CTNNA3: variants seen among roughly 807,000 people sequenced by gnomAD.
The protein encoded by CTNNA3 is catenin alpha 3, also known as catenin alpha-3.
Under a neutral mutation model 95.7 loss-of-function variants are expected in CTNNA3, and 76 were observed. The observed-to-expected ratio is 0.79, with a 90% CI of 0.66 to 0.96. The LOEUF (loss-of-function observed/expected upper bound fraction) is 0.96, where lower values mean the gene tolerates loss of function less well. Ranked by LOEUF, CTNNA3 falls within the 40% of genes least tolerant of loss-of-function variation. The pLI, the probability that CTNNA3 is intolerant of heterozygous loss-of-function variation, is 0.00. For synonymous variants in CTNNA3, 431 were observed against 374.4 expected (o/e 1.15, Z -1.74); for missense variants, 1,191 against 1,089.8 (o/e 1.09, Z -1.31).
intron 3 of CTNNA3, among the ~76,000 whole-genome samples, chr10:67,577,189 A>G (rs534852316): frequency 6.6e-6 from 1 of 151,576 alleles, no homozygotes; most frequent in South Asian, 2.1e-4. Flanking sequence ...AATTGTTCCT[A>G]TTTCTCCACA....
chr10:65,922,880 T>C lies in CTNNA3; in HGVS notation c.2401-2263A>G, dbSNP rs558121147. ...GTCTGGCAGGGAGGCCTCAGGAAACTTACAATCATGGCAGAAGGGGAAGCA... is the reference window on the plus strand; with the variant it reads ...GTCTGGCAGGGAGGCCTCAGGAAACCTACAATCATGGCAGAAGGGGAAGCA... On this transcript the variant is annotated intron_variant, in intron 17 of 17. Coordinates refer to ENST00000433211, the MANE Select transcript of CTNNA3 (RefSeq NM_013266.4). Among the ~76,000 whole-genome samples, 4 of 152,210 alleles carry C rather than the reference T, an allele frequency of 2.6e-5. No individual in the cohort carries two copies. The South Asian group carries it at 8.3e-4, about 32-fold the overall frequency.
intron 7 of CTNNA3, among the ~76,000 whole-genome samples, chr10:67,101,778 G>A (rs1858356815): frequency 6.6e-6 from 1 of 151,554 alleles, no homozygotes; most frequent in African/African-American, 2.4e-5. Flanking sequence ...TAAAACTATT[G>A]TATATGAGAG....
chr10:66,405,256 C>T (rs1290318588), intron 11 of CTNNA3, among the ~76,000 whole-genome samples: 1 of 152,066 alleles, frequency 6.6e-6, no homozygotes, highest in Non-Finnish European at 1.5e-5. Flanking sequence ...TTTTGATAGA[C>T]TGCTTGACAC....
chr10:66,332,781 C>T (rs908741211), intron 12 of CTNNA3, among the ~76,000 whole-genome samples: 12 of 151,910 alleles, frequency 7.9e-5, no homozygotes, highest in African/African-American at 2.2e-4. Flanking sequence ...TCTATTGATT[C>T]GAATAGTTTC....
intron 12 of CTNNA3, among the ~76,000 whole-genome samples, chr10:66,305,913 C>G (rs780514512): frequency 5.3e-5 from 8 of 152,162 alleles, no homozygotes; most frequent in Non-Finnish European, 8.8e-5. Context: ...TTATTCTGGT[C>G]TATAAATCTA....
At chr10:67,310,970 G>A (rs1840770080) in intron 5 of CTNNA3, among the ~76,000 whole-genome samples, 1 of 152,126 alleles carries the variant, frequency 6.6e-6, no homozygotes, top group Non-Finnish European at 1.5e-5. Flanking sequence ...GTGAAAATGA[G>A]CTTAACTGTC....
intron 7 of CTNNA3, among the ~76,000 whole-genome samples, chr10:66,776,504 A>G (rs762708415): frequency 1.3e-5 from 2 of 152,162 alleles, no homozygotes; most frequent in Non-Finnish European, 2.9e-5. Flanking sequence ...GCATAAACCC[A>G]TACCCTGCAG....
At chr10:66,248,550 A>T (rs1207662374) in intron 13 of CTNNA3, among the ~76,000 whole-genome samples, 1 of 152,124 alleles carries the variant, frequency 6.6e-6, no homozygotes, top group Non-Finnish European at 1.5e-5. Flanking sequence ...ATAAAAAAAG[A>T]TACTTCATGC....
At chr10:66,292,450 T>C (rs1409278047) in intron 12 of CTNNA3, among the ~76,000 whole-genome samples, 2 of 152,168 alleles carry the variant, frequency 1.3e-5, no homozygotes, top group Admixed American at 6.5e-5. Flanking sequence ...GAGTTATCAT[T>C]AAGTTATCAT....
At chr10:66,562,839 T>C (rs1842594240) in intron 10 of CTNNA3, among the ~76,000 whole-genome samples, 1 of 152,100 alleles carries the variant, frequency 6.6e-6, no homozygotes, top group Non-Finnish European at 1.5e-5. Flanking sequence ...ACTGGAAATA[T>C]CTTTATACTA....
At position 66,471,177 on chromosome 10, in the gene CTNNA3, A is replaced by G. The variant is rs559110659; in HGVS notation, c.1531+49440T>C. On this transcript the variant is annotated intron_variant, in intron 11 of 17. Coordinates refer to ENST00000433211, the MANE Select transcript of CTNNA3 (RefSeq NM_013266.4). ...AAAAAGTAGCATTTTTTGTAATTAT[A>G]AAGTCAATTAAAAATTCTAGAATGC... Among the ~76,000 whole-genome samples the G allele has an allele frequency of 1.1e-4, 17 of 152,020 alleles. No homozygotes were observed. In the South Asian group the frequency reaches 1.7e-3, roughly 15 times the overall value.
At chr10:66,149,747 T>G (rs1047074651) in intron 13 of CTNNA3, among the ~76,000 whole-genome samples, 1 of 150,748 alleles carries the variant, frequency 6.6e-6, no homozygotes, top group Non-Finnish European at 1.5e-5. Context: ...TTCAGATTAT[T>G]AAAATTACAG....
intron 11 of CTNNA3, among the ~76,000 whole-genome samples, chr10:66,433,825 T>C (rs2093316814): frequency 6.6e-6 from 1 of 152,168 alleles, no homozygotes; most frequent in South Asian, 2.1e-4. Flanking sequence ...TTGTATTAGG[T>C]GTAAGGAAGG....
At chr10:67,112,331 C>CT (rs1012808375) in intron 7 of CTNNA3, among the ~76,000 whole-genome samples, 5 of 151,728 alleles carry the variant, frequency 3.3e-5, no homozygotes, top group African/African-American at 7.3e-5. Flanking sequence ...GTTCCCTTGT[C>CT]TTTTTTTTCC....
At position 67,726,577 on chromosome 10, in the gene CTNNA3, T is replaced by TATATAATATGTAATATTATATTACATA. The variant is rs1589582284; in HGVS notation, c.-2+36830_-2+36856dup. 5.6e-5 allele frequency among the ~76,000 whole-genome samples: 4 copies of TATATAATATGTAATATTATATTACATA among 71,902 alleles called. No individual in the cohort carries two copies. In the East Asian group the frequency reaches 1.2e-3, roughly 21 times the overall value. 47.2% of individuals were successfully genotyped at this position (71,902 alleles called of 152,430 possible). A position where few individuals can be genotyped will look rare whatever the true frequency, so the allele number is the denominator to read the frequency against. On this transcript the variant is annotated intron_variant, in intron 1 of 17. Coordinates refer to the CTNNA3 transcript ENST00000684154. The stretch of plus-strand genomic sequence containing the variant: ...ATATAATATAATATATATTACATAT[T>TATATAATATGTAATATTATATTACATA]ATATAATATGTAATATTATATTACA...
At chr10:66,623,907 A>G (rs1421180461) in intron 9 of CTNNA3, among the ~76,000 whole-genome samples, 3 of 152,136 alleles carry the variant, frequency 2.0e-5, no homozygotes, top group Non-Finnish European at 4.4e-5. Context: ...AATTTCTTCT[A>G]ATGATGATTC....
Position 66,621,732 on chromosome 10 carries a change from A to G in CTNNA3, c.1334T>C (p.Val445Ala), listed in dbSNP as rs954678537. 2.5e-6 allele frequency: 4 copies of G among 1,612,336 alleles called. No homozygotes were observed. In the Admixed American group the frequency reaches 5.0e-5, roughly 20 times the overall value. The change falls in exon 10 of 18, where the codon GTC becomes GCC. Residue 445 changes from valine (V) to alanine (A), a missense_variant. Coordinates refer to ENST00000433211, the MANE Select transcript of CTNNA3 (RefSeq NM_013266.4). ...MSTNEDGIKI[V>A]KIAANHLETL... Reference sequence around the variant, plus strand: ...TTCCAAATGATTGGCTGCAATTTTGACAATTTTAATTCCATCTTCATTTGT... The same window carrying G: ...TTCCAAATGATTGGCTGCAATTTTGGCAATTTTAATTCCATCTTCATTTGT...
At chr10:67,052,512 A>C (rs1340898759) in intron 7 of CTNNA3, 1 of 152,220 alleles carries the variant, frequency 6.6e-6, no homozygotes, top group Non-Finnish European at 1.5e-5. Context: ...ACCACAGCAG[A>C]GAGCACATGG....
At chr10:66,568,081 C>T (rs923533137) in intron 10 of CTNNA3, among the ~76,000 whole-genome samples, 3 of 152,106 alleles carry the variant, frequency 2.0e-5, no homozygotes, top group African/African-American at 7.2e-5. Flanking sequence ...TGCAACAAGA[C>T]AATCAAGAAA....
Sources: gnomAD v4.1 joint callset for allele counts (sites outside exome capture counted in the v4.1 genomes callset) on GRCh38, gnomAD v4.1.1 for gene constraint, MANE v1.5 for transcripts, NCBI Gene and HGNC (gene_info 2026-07-23, HGNC 2026-07-21) for gene names.